The following HHIPL1 variants were observed in gnomAD, a reference collection of about 807,000 sequenced individuals.
HHIPL1 encodes the protein HHIP like 1.
Under a neutral mutation model 61.8 loss-of-function variants are expected in HHIPL1, and 43 were observed. The observed-to-expected ratio is 0.70, with a 90% CI of 0.55 to 0.90. The LOEUF (loss-of-function observed/expected upper bound fraction) is 0.90, where lower values mean the gene tolerates loss of function less well. Ranked by LOEUF, HHIPL1 falls within the 40% of genes least tolerant of loss-of-function variation. The pLI is 0.00. For synonymous variants in HHIPL1, 482 were observed against 515.8 expected, an observed-to-expected ratio of 0.93 and a Z score of 0.89; for missense variants, 1,056 against 1,157.7, an observed-to-expected ratio of 0.91 and a Z score of 1.28.
At position 99,652,566 on chromosome 14, in the gene HHIPL1, G is replaced by T; in HGVS notation, c.598G>T (p.Val200Phe). Residue 200 changes from valine to phenylalanine, a missense_variant, in exon 2 of 9, where the codon GTC (valine) becomes TTC (phenylalanine). Coordinates refer to ENST00000330710, the MANE Select transcript of HHIPL1 (RefSeq NM_001127258.3). ...CGGGCTGCGCAACCCCGTGGCCATG[G>T]TCCATGCCAGGGATGGCACCCACCG... ...ANGLRNPVAM[V>F]HARDGTHRFF... 1 of 1,613,096 alleles carries T rather than the reference G, an allele frequency of 6.2e-7. No homozygotes were observed.
chr14:99,619,575 C>T, the HHIPL1 span, among the ~76,000 whole-genome samples: 1 of 152,084 alleles, frequency 6.6e-6, no homozygotes, highest in Non-Finnish European at 1.5e-5. Context: ...CTTGCTTGCC[C>T]AGGGTCCCCT....
chr14:99,672,478 CG>C (rs2056336595), intron 8 of HHIPL1, 79 bp downstream of exon 8: 1 of 1,219,552 alleles, frequency 8.2e-7, no homozygotes, highest in African/African-American at 1.5e-5. Flanking sequence ...CAGCCAGACT[CG>C]GGTCTTACCA....
At chr14:99,639,617 G>T in the HHIPL1 span, among the ~76,000 whole-genome samples, 2 of 152,076 alleles carry the variant, frequency 1.3e-5, no homozygotes, top group African/African-American at 4.8e-5. Flanking sequence ...AAAGTGCTGG[G>T]ATTACAGGCA....
chr14:99,618,783 G>A, the HHIPL1 span, among the ~76,000 whole-genome samples: 2 of 152,278 alleles, frequency 1.3e-5, no homozygotes, highest in East Asian at 1.9e-4. Flanking sequence ...AGACACCCCA[G>A]GAACACTGCT....
chr14:99,631,865 A>G, the HHIPL1 span, among the ~76,000 whole-genome samples: 17 of 152,120 alleles, frequency 1.1e-4, 1 homozygote, highest in African/African-American at 3.9e-4. Flanking sequence ...TGACTGTCCT[A>G]CTGGCCAAAG....
At chr14:99,637,196 GAAA>G in the HHIPL1 span, among the ~76,000 whole-genome samples, 9,320 of 112,128 alleles carry the variant, frequency 0.083, 468 homozygotes, top group Middle Eastern at 0.097. Context: ...ATGGAAGAAA[GAAA>G]GGAAGAAAGA....
rs1055563113 is a variant in HHIPL1 at position 99,660,614 on chromosome 14, C to T, written c.1502+208C>T. ...GAGCCTTTGCTGCAGGCCTCAGTAC[C>T]TCTATGATAGACACACAACTCATGG... On this transcript the variant is annotated intron_variant, in intron 5 of 8. Transcript: ENST00000330710. This position sits in a 1 kb window ranked among gnomAD's most constrained non-coding sequence, Gnocchi z 4.9. 2.0e-5 allele frequency among the ~76,000 whole-genome samples: 3 copies of T among 152,218 alleles called. No homozygotes were observed.
chr14:99,614,262 G>A, the HHIPL1 span, among the ~76,000 whole-genome samples: 1 of 152,158 alleles, frequency 6.6e-6, no homozygotes, highest in South Asian at 2.1e-4. Flanking sequence ...GTGCCCCGGA[G>A]CCCAGAGTCT....
chr14:99,668,361 A>C lies in HHIPL1; in HGVS notation c.1730+58A>C. On this transcript the variant is annotated intron_variant, in intron 7 of 8. Transcript: ENST00000330710. This position sits in a 1 kb window ranked among gnomAD's most constrained non-coding sequence, Gnocchi z 4.7. The stretch of plus-strand genomic sequence containing the variant: ...GCTGTCTGTCAGGCCTCTTAGCTCC[A>C]CGGGCTTGTCCCCTCCGCCTCGCCC... 2.9e-6 allele frequency: 3 copies of C among 1,050,178 alleles called. No individual in the cohort carries two copies. Among genetic ancestry groups the C allele is most frequent in the Non-Finnish European group, 4.5e-6 (3 of 667,124 alleles). The allele number at this position is 1,050,178 out of a possible 1,614,324, so 65.1% of individuals were successfully genotyped here. A position where few individuals can be genotyped will look rare whatever the true frequency, so the allele number is the denominator to read the frequency against.
At chr14:99,652,149 G>A in intron 1 of HHIPL1, 75 bp from the exon 2 acceptor site, 1 of 1,406,402 alleles carries the variant, frequency 7.1e-7, no homozygotes, top group Non-Finnish European at 9.6e-7. Context: ...CTGAGAGATG[G>A]GGGACCCGCC....
At chr14:99,659,297 TG>T in intron 3 of HHIPL1, 130 bp from the exon 4 acceptor site, 1 of 648,674 alleles carries the variant, frequency 1.5e-6, no homozygotes, top group Non-Finnish European at 2.4e-6. Flanking sequence ...CCAGGGTCTC[TG>T]GCCCCACAGC....
At chr14:99,645,012 T>G (rs2055804330), upstream of HHIPL1, 3 of 430,020 alleles carry the variant, frequency 7.0e-6, no homozygotes, top group South Asian at 3.5e-4. Context: ...TCGTGCCGCA[T>G]TCTGCGCCGC....
At chr14:99,621,096 TG>T in the HHIPL1 span, among the ~76,000 whole-genome samples, 5 of 152,224 alleles carry the variant, frequency 3.3e-5, no homozygotes, top group Non-Finnish European at 7.3e-5. Flanking sequence ...CTGCTCTTTA[TG>T]TTATGCCCAC....
chr14:99,652,703 G>T lies in HHIPL1; in HGVS notation c.735G>T (p.Glu245Asp). 6.2e-7 allele frequency: 1 copy of T among 1,614,070 alleles called. No individual in the cohort carries two copies. The highest frequency in any genetic ancestry group is 1.1e-5 in the South Asian group (1 of 91,080). Residue 245 changes from glutamate to aspartate, a missense_variant, in exon 2 of 9, where the codon GAG becomes GAT. Coordinates refer to ENST00000330710, the MANE Select transcript of HHIPL1 (RefSeq NM_001127258.3). The stretch of plus-strand genomic sequence containing the variant: ...GGGTGGTGCTCACCTCGCCCTGGGA[G>T]GGTGACGAGCGTGGCTTCCTGGGCA... ...ISRVVLTSPW[E>D]GDERGFLGIA...
At chr14:99,648,671 T>G (rs1303346820) in intron 1 of HHIPL1, among the ~76,000 whole-genome samples, 3 of 151,906 alleles carry the variant, frequency 2.0e-5, no homozygotes, top group African/African-American at 7.3e-5. Context: ...ACAGAGTGCA[T>G]TGGGAGCATC....
At chr14:99,609,333 G>A in the HHIPL1 span, among the ~76,000 whole-genome samples, 6 of 152,188 alleles carry the variant, frequency 3.9e-5, no homozygotes, top group Non-Finnish European at 5.9e-5. Flanking sequence ...AAAGCTCTGG[G>A]GAGGGGAGCC....
chr14:99,656,787 A>AAAAG lies in HHIPL1; in HGVS notation c.903-164_903-161dup, dbSNP rs1555377257. ...AACACTCTGTCTGCAAAAAGAAAAGAAAAGAAAGAAAGAAAGAAAGAAAGA... is the reference window on the plus strand; with the variant it reads ...AACACTCTGTCTGCAAAAAGAAAAGAAAAGAAAGAAAGAAAGAAAGAAAGAAAGA... On this transcript the variant is annotated intron_variant, in intron 2 of 8. Coordinates refer to ENST00000330710, the MANE Select transcript of HHIPL1 (RefSeq NM_001127258.3). 3.6e-3 allele frequency among the ~76,000 whole-genome samples: 73 copies of AAAAG among 20,444 alleles called. 4 individuals are homozygous for AAAAG. Among genetic ancestry groups the AAAAG allele is most frequent in the African/African-American group, 7.4e-3 (66 of 8,920 alleles). The allele number at this position is 20,444 out of a possible 152,430, so 13.4% of individuals were successfully genotyped here.
At chr14:99,610,171 G>A in the HHIPL1 span, among the ~76,000 whole-genome samples, 1 of 152,308 alleles carries the variant, frequency 6.6e-6, no homozygotes, top group African/African-American at 2.4e-5. Flanking sequence ...AAGACAAGAG[G>A]GAGGCTCAAC....
At chr14:99,657,284 T>A in intron 3 of HHIPL1, 141 bp downstream of exon 3, 1 of 967,916 alleles carries the variant, frequency 1.0e-6, no homozygotes, top group South Asian at 1.5e-5. Flanking sequence ...AGCCTGCAGC[T>A]AGCTGGGCAG....
Sources: gnomAD v4.1 joint callset for allele counts (sites outside exome capture counted in the v4.1 genomes callset) on GRCh38, gnomAD v4.1.1 for gene constraint, Gnocchi (gnomAD v3.1) non-coding constraint, MANE v1.5 for transcripts, NCBI Gene and HGNC (gene_info 2026-07-23, HGNC 2026-07-21) for gene names.